The following FRK variants were observed in gnomAD, a reference collection of about 807,000 sequenced individuals.
The protein encoded by FRK is fyn related Src family tyrosine kinase, also known as tyrosine-protein kinase FRK.
A neutral mutation model predicts 56.4 loss-of-function variants in FRK; 51 were observed. That is an observed-to-expected ratio of 0.90 (90% confidence interval 0.72 to 1.14). The LOEUF is 1.14. FRK is among the 50% of genes most tolerant of loss of function. FRK has a pLI of 0.00. For synonymous variants in FRK, 245 were observed against 217.9 expected, an observed-to-expected ratio of 1.12 and a Z score of -1.10; for missense variants, 570 against 601.4, an observed-to-expected ratio of 0.95 and a Z score of 0.55.
intron 2 of FRK, among the ~76,000 whole-genome samples, chr6:115,992,267 C>T (rs972053756): frequency 5.3e-5 from 8 of 151,630 alleles, no homozygotes; most frequent in Non-Finnish European, 1.0e-4. Flanking sequence ...TGTTTGTTGT[C>T]TCATCTCCTG....
In FRK at chr6:116,016,728, A is replaced by C. The variant is rs76252254; in HGVS notation, c.345-12730T>G. Among the ~76,000 whole-genome samples, 1,175 of 152,128 alleles carry C rather than the reference A, an allele frequency of 7.7e-3. 18 individuals carry two copies. The highest frequency in any genetic ancestry group is 0.027 in the African/African-American group (1,126 of 41,474). On this transcript the variant is annotated intron_variant, in intron 1 of 7. Coordinates refer to ENST00000606080, the MANE Select transcript of FRK (RefSeq NM_002031.3). ...ACACGTTCTCTTTCTTTCTTCCTTC[A>C]TTCTTTCTTTCTTTCTTTCTTTTTA... is the stretch of plus-strand genomic sequence containing the variant.
At chr6:116,038,419 G>T (rs574734980) in intron 1 of FRK, among the ~76,000 whole-genome samples, 13 of 151,760 alleles carry the variant, frequency 8.6e-5, no homozygotes, top group Admixed American at 7.9e-4. Context: ...CAATTTAAAA[G>T]AATTCAAAAA....
chr6:116,035,025 T>C (rs2114771742), intron 1 of FRK, among the ~76,000 whole-genome samples: 1 of 152,120 alleles, frequency 6.6e-6, no homozygotes, highest in East Asian at 1.9e-4. Flanking sequence ...AGTGGTACTG[T>C]TCTCTATCCT....
chr6:115,953,083 TA>T (rs1173355168), intron 5 of FRK, among the ~76,000 whole-genome samples: 2 of 138,586 alleles, frequency 1.4e-5, no homozygotes, highest in Non-Finnish European at 3.2e-5. Flanking sequence ...AATAATAAAA[TA>T]AAAAATTTTT....
intron 4 of FRK, among the ~76,000 whole-genome samples, chr6:115,966,432 T>G (rs185368544): frequency 6.6e-5 from 10 of 152,340 alleles, no homozygotes; most frequent in Admixed American, 6.5e-4. Flanking sequence ...ATTCAGGATG[T>G]TGACTTCAAA....
rs371913421 is a variant in FRK at position 115,968,454 on chromosome 6, AC to A, written c.630+121del. 3.2e-4 allele frequency: 334 copies of A among 1,059,140 alleles called. No homozygotes were observed. The African/African-American group carries it at 4.6e-3, about 15-fold the overall frequency. The allele number at this position is 1,059,140 out of a possible 1,614,324, so 65.6% of individuals were successfully genotyped here. A position where few individuals can be genotyped will look rare whatever the true frequency, so the allele number is the denominator to read the frequency against. ...AGCTCATAGGCCATGGTTTGCCTAT[AC>A]CCGCCTGAGGTAATAAAATGACAAT... On this transcript the variant is annotated intron_variant, in intron 3 of 7. Coordinates refer to ENST00000606080, the MANE Select transcript of FRK (RefSeq NM_002031.3).
chr6:116,024,399 A>G (rs937228971), intron 1 of FRK, among the ~76,000 whole-genome samples: 5 of 151,202 alleles, frequency 3.3e-5, no homozygotes, highest in East Asian at 2.0e-4. Flanking sequence ...ATATCTCCCA[A>G]TGCTATCCCT....
At chr6:115,945,845 A>G (rs1389253849) in intron 5 of FRK, among the ~76,000 whole-genome samples, 1 of 152,084 alleles carries the variant, frequency 6.6e-6, no homozygotes, top group Admixed American at 6.6e-5. Context: ...TCCCACTACT[A>G]ATTCTTTATA....
intron 2 of FRK, among the ~76,000 whole-genome samples, chr6:115,973,355 C>G (rs1773878246): frequency 6.6e-6 from 1 of 152,016 alleles, no homozygotes; most frequent in African/African-American, 2.4e-5. Context: ...GGGAGTTGAA[C>G]AATGAGAACA....
At chr6:116,073,871 A>G in the FRK span, among the ~76,000 whole-genome samples, 1 of 152,202 alleles carries the variant, frequency 6.6e-6, no homozygotes, top group African/African-American at 2.4e-5. Context: ...TGCTGGGGGA[A>G]TTAATAAGAG....
the FRK span, among the ~76,000 whole-genome samples, chr6:116,093,191 T>C: frequency 6.6e-6 from 1 of 152,010 alleles, no homozygotes; most frequent in Admixed American, 6.6e-5. Context: ...TTCCTATTAA[T>C]GATAAGCCTC....
At chr6:116,088,498 A>G in the FRK span, among the ~76,000 whole-genome samples, 1 of 152,216 alleles carries the variant, frequency 6.6e-6, no homozygotes, top group Non-Finnish European at 1.5e-5. Context: ...AAATGTCATA[A>G]TCTCACCAAA....
At chr6:115,968,371 A>G (rs898435496) in intron 3 of FRK, among the ~76,000 whole-genome samples, 2 of 152,164 alleles carry the variant, frequency 1.3e-5, no homozygotes, top group African/African-American at 2.4e-5. Context: ...AAACTCATAT[A>G]TGAATGAGCA....
At chr6:115,999,475 G>A (rs189387944) in intron 2 of FRK, among the ~76,000 whole-genome samples, 35 of 152,160 alleles carry the variant, frequency 2.3e-4, no homozygotes, top group Non-Finnish European at 2.8e-4. Flanking sequence ...ACCCAACCTT[G>A]GGCTGCTACT....
intron 1 of FRK, among the ~76,000 whole-genome samples, chr6:116,030,297 C>T (rs1776253877): frequency 6.6e-6 from 1 of 152,064 alleles, no homozygotes; most frequent in African/African-American, 2.4e-5. Flanking sequence ...GTCCAGTGTG[C>T]CTGACCACTC....
At chr6:116,062,705 G>T (rs1777667553), upstream of FRK, among the ~76,000 whole-genome samples, 1 of 152,202 alleles carries the variant, frequency 6.6e-6, no homozygotes. Context: ...GATGTCAGGT[G>T]AGCAATGGCC....
At position 115,933,737 on chromosome 6, in the gene FRK, T is replaced by G. The variant is rs2114486402; in HGVS notation, c.*8677A>C. 1 of 152,296 alleles carries G rather than the reference T, an allele frequency of 6.6e-6. No individual in the cohort carries two copies. The highest frequency in any genetic ancestry group is 2.1e-4 in the South Asian group (1 of 4,826). 9.4% of individuals were successfully genotyped at this position (152,296 alleles called of 1,614,324 possible). A position where few individuals can be genotyped will look rare whatever the true frequency, so the allele number is the denominator to read the frequency against. Reference sequence around the variant, plus strand: ...AAGAAAAATTAAACATGAAATGAATTCAAAGAAAAGGAACTATTTTCTTTC... The same window carrying G: ...AAGAAAAATTAAACATGAAATGAATGCAAAGAAAAGGAACTATTTTCTTTC... On this transcript the variant is annotated 3_prime_UTR_variant, in exon 8 of 8. Coordinates refer to ENST00000606080, the MANE Select transcript of FRK (RefSeq NM_002031.3).
chr6:115,959,189 T>C (rs1414662448), intron 4 of FRK, among the ~76,000 whole-genome samples: 1 of 152,240 alleles, frequency 6.6e-6, no homozygotes, highest in East Asian at 1.9e-4. Context: ...CAGCAATAAA[T>C]AGCCGCTCAT....
intron 2 of FRK, among the ~76,000 whole-genome samples, chr6:115,996,206 A>T (rs75046537): frequency 6.6e-6 from 1 of 152,222 alleles, no homozygotes; most frequent in East Asian, 1.9e-4. Flanking sequence ...TTGTCTTTAC[A>T]TCTGTAGTTA....
Sources: gnomAD v4.1 joint callset for allele counts (sites outside exome capture counted in the v4.1 genomes callset) on GRCh38, gnomAD v4.1.1 for gene constraint, MANE v1.5 for transcripts, NCBI Gene and HGNC (gene_info 2026-07-23, HGNC 2026-07-21) for gene names.